The following RBFOX1 variants were observed in gnomAD, a reference collection of about 807,000 sequenced individuals.
The protein encoded by RBFOX1 is RNA binding fox-1 homolog 1.
In RBFOX1, 8 loss-of-function variants were observed where a neutral mutation model predicts 57.7. The ratio of observed to expected loss-of-function variants is 0.14; its 90% CI spans 0.08 to 0.25. The LOEUF (loss-of-function observed/expected upper bound fraction) is 0.25, where lower values mean the gene tolerates loss of function less well. RBFOX1 is among the 10% of genes least tolerant of loss of function. The probability of loss-of-function intolerance (pLI) is 1.00; values close to 1 mark genes in which losing one functional copy is unlikely to be tolerated. For synonymous variants in RBFOX1, 326 were observed against 222.4 expected (o/e 1.47, Z -4.15); for missense variants, 611 against 548.5 (o/e 1.11, Z -1.14).
At chr16:6,631,715 G>C (rs1285737611) in intron 2 of RBFOX1, among the ~76,000 whole-genome samples, 3 of 152,176 alleles carry the variant, frequency 2.0e-5, no homozygotes, top group African/African-American at 7.2e-5. Flanking sequence ...TGCTGGCTGG[G>C]GGAAGAGCTC....
chr16:5,482,317 C>T (rs1435687548), intron 2 of RBFOX1, among the ~76,000 whole-genome samples: 1 of 152,210 alleles, frequency 6.6e-6, no homozygotes, highest in African/African-American at 2.4e-5. Context: ...TGATGCACAC[C>T]ATTCGGTACT....
chr16:7,695,651 A>AAC (rs2078578208), intron 14 of RBFOX1, among the ~76,000 whole-genome samples: 1 of 51,358 alleles, frequency 1.9e-5, no homozygotes, highest in Non-Finnish European at 4.2e-5. Flanking sequence ...GCCTCCATCA[A>AAC]AAAAAAAAAA....
At chr16:7,477,091 A>G (rs1163854384) in intron 4 of RBFOX1, among the ~76,000 whole-genome samples, 2 of 152,076 alleles carry the variant, frequency 1.3e-5, no homozygotes, top group Non-Finnish European at 2.9e-5. Context: ...CTTCCCCCAC[A>G]TCTCTGTCCT....
intron 1 of RBFOX1, among the ~76,000 whole-genome samples, chr16:6,265,791 C>T (rs1335187289): frequency 6.6e-6 from 1 of 152,128 alleles, no homozygotes; most frequent in Non-Finnish European, 1.5e-5. Context: ...ACTCTGAATT[C>T]TTCAGAATCC....
At position 6,513,499 on chromosome 16, in the gene RBFOX1, C is replaced by T. The variant is rs577428703; in HGVS notation, c.-63-141104C>T. ...CTGTAATCTCATCACTTTGGGAGGT[C>T]GAGGCAGGCGGATCACCTGAGGTCA... On this transcript the variant is annotated intron_variant, in intron 2 of 15. Coordinates refer to ENST00000550418, the MANE Select transcript of RBFOX1 (RefSeq NM_018723.4). Among the ~76,000 whole-genome samples, 579 of 152,142 alleles carry T rather than the reference C, an allele frequency of 3.8e-3. 3 individuals carry two copies. The highest frequency in any genetic ancestry group is 0.013 in the African/African-American group (554 of 41,528).
chr16:5,270,280 C>A (rs890155602), intron 1 of RBFOX1: 1 of 626,978 alleles, frequency 1.6e-6, no homozygotes, highest in African/African-American at 1.8e-5. Flanking sequence ...GTAAAAGCAC[C>A]TGCTATGTTC....
chr16:7,303,732 A>ATC (rs900712088), intron 4 of RBFOX1, among the ~76,000 whole-genome samples: 5 of 140,114 alleles, frequency 3.6e-5, no homozygotes, highest in Admixed American at 7.0e-5. Context: ...CTCTCTTTCA[A>ATC]TCTCTCTCTC....
At chr16:6,916,614 C>T (rs897316402) in intron 3 of RBFOX1, among the ~76,000 whole-genome samples, 5 of 152,098 alleles carry the variant, frequency 3.3e-5, no homozygotes, top group African/African-American at 1.2e-4. Context: ...TCTTGCAACG[C>T]TATTGGCCGT....
intron 3 of RBFOX1, among the ~76,000 whole-genome samples, chr16:5,747,808 G>T (rs1430845035): frequency 6.6e-6 from 1 of 151,986 alleles, no homozygotes; most frequent in Non-Finnish European, 1.5e-5. Context: ...CAATTTTGTT[G>T]ATCTTTCAGA....
intron 3 of RBFOX1, among the ~76,000 whole-genome samples, chr16:6,984,590 C>G (rs987579244): frequency 2.0e-5 from 3 of 152,134 alleles, no homozygotes; most frequent in Non-Finnish European, 4.4e-5. Flanking sequence ...CATATTTATG[C>G]TGGACAGAAT....
At chr16:6,288,979 G>A (rs1461478555) in intron 1 of RBFOX1, among the ~76,000 whole-genome samples, 2 of 152,116 alleles carry the variant, frequency 1.3e-5, no homozygotes, top group South Asian at 4.1e-4. Flanking sequence ...AGCTCCAGTG[G>A]TGTGAGAAGA....
chr16:5,522,904 C>T (rs1331547917), intron 2 of RBFOX1, among the ~76,000 whole-genome samples: 2 of 152,140 alleles, frequency 1.3e-5, no homozygotes, highest in African/African-American at 2.4e-5. Context: ...AGCATTCCAT[C>T]GTGTATCTAT....
chr16:6,923,310 G>T (rs2153457940), intron 3 of RBFOX1, among the ~76,000 whole-genome samples: 1 of 152,236 alleles, frequency 6.6e-6, no homozygotes, highest in Admixed American at 6.5e-5. Flanking sequence ...AAGGCGGGAG[G>T]ATCATGTGAG....
intron 4 of RBFOX1, among the ~76,000 whole-genome samples, chr16:5,929,651 T>G (rs139070078): frequency 1.4e-4 from 21 of 152,336 alleles, no homozygotes; most frequent in East Asian, 1.2e-3. Flanking sequence ...CTTCATAGTG[T>G]TTAAGAATGT....
At chr16:7,623,506 T>A (rs1490481071) in intron 10 of RBFOX1, among the ~76,000 whole-genome samples, 1 of 152,090 alleles carries the variant, frequency 6.6e-6, no homozygotes, top group Non-Finnish European at 1.5e-5. Flanking sequence ...ACAATAAGAT[T>A]CACACTTTTA....
chr16:6,823,243 T>C (rs551435206), intron 3 of RBFOX1, among the ~76,000 whole-genome samples: 2 of 151,914 alleles, frequency 1.3e-5, no homozygotes, highest in Admixed American at 6.6e-5. Flanking sequence ...TGAAATTGTT[T>C]TGTTTTCTTT....
chr16:5,958,232 C>G (rs1057364739), intron 4 of RBFOX1, among the ~76,000 whole-genome samples: 2 of 152,172 alleles, frequency 1.3e-5, no homozygotes, highest in South Asian at 4.1e-4. Flanking sequence ...ACAGAGCTTT[C>G]TTGTGGCCCT....
intron 4 of RBFOX1, among the ~76,000 whole-genome samples, chr16:7,286,385 T>A (rs2095651054): frequency 6.6e-6 from 1 of 151,912 alleles, no homozygotes; most frequent in African/African-American, 2.4e-5. Flanking sequence ...TAAAAGCCTA[T>A]CTTGTGAAAA....
chr16:7,350,153 T>TA (rs2097101611), intron 4 of RBFOX1, among the ~76,000 whole-genome samples: 4 of 151,630 alleles, frequency 2.6e-5, no homozygotes, highest in Non-Finnish European at 5.9e-5. Flanking sequence ...TCTAAAAAAT[T>TA]TAAAAAAAAA....
Sources: gnomAD v4.1 joint callset for allele counts (sites outside exome capture counted in the v4.1 genomes callset) on GRCh38, gnomAD v4.1.1 for gene constraint, MANE v1.5 for transcripts, NCBI Gene and HGNC (gene_info 2026-07-23, HGNC 2026-07-21) for gene names.